The following RAB36 variants were observed in gnomAD, a reference collection of about 807,000 sequenced individuals.
The protein encoded by RAB36 is ras-related protein Rab-36.
RAB36 carries 33 observed loss-of-function variants against 39.3 expected under a neutral mutation model. That is an observed-to-expected ratio of 0.84 (90% CI 0.64 to 1.12). RAB36 has a LOEUF of 1.12. Among genes scored for constraint, RAB36 ranks in the 50% most tolerant of loss-of-function variants. The pLI is 0.00. For synonymous variants in RAB36, 133 were observed against 140.2 expected (o/e 0.95, Z 0.36); for missense variants, 308 against 355.3 (o/e 0.87, Z 1.07).
At position 23,161,619 on chromosome 22, in the gene RAB36, C is replaced by T. The variant is rs370076506; in HGVS notation, c.*55C>T. 22 of 1,460,520 alleles carry T rather than the reference C, an allele frequency of 1.5e-5. No homozygotes were observed. Among genetic ancestry groups the T allele is most frequent in the Admixed American group, 9.2e-5 (5 of 54,494 alleles). 90.5% of individuals were successfully genotyped at this position (1,460,520 alleles called of 1,614,324 possible). A position where few individuals can be genotyped will look rare whatever the true frequency, so the allele number is the denominator to read the frequency against. ...CTGCACACACACGGACAGGAATTTC[C>T]GTGACTGTGGTGTGGAGACTGGAGC... On this transcript the variant is annotated 3_prime_UTR_variant, in exon 11 of 11. Coordinates refer to ENST00000263116, the MANE Select transcript of RAB36 (RefSeq NM_004914.5).
chr22:23,160,441 G>C (rs917443285), intron 9 of RAB36, among the ~76,000 whole-genome samples: 8 of 152,346 alleles, frequency 5.3e-5, no homozygotes, highest in Middle Eastern at 3.4e-3. Flanking sequence ...ATGCATAAAG[G>C]CTCCATGTGG....
chr22:23,159,127 C>T, intron 8 of RAB36, 36 bp from the exon 9 acceptor site: 1 of 1,604,998 alleles, frequency 6.2e-7, no homozygotes, highest in Non-Finnish European at 8.5e-7. Flanking sequence ...TGCAGGAGAG[C>T]CGGGACGCTG....
intron 7 of RAB36, among the ~76,000 whole-genome samples, chr22:23,158,307 C>T (rs1293721259): frequency 6.6e-6 from 1 of 152,236 alleles, no homozygotes; most frequent in African/African-American, 2.4e-5. Flanking sequence ...CCCCAACCTG[C>T]TTTAATACAC....
chr22:23,150,247 C>G, intron 3 of RAB36, 93 bp downstream of exon 3: 1 of 1,023,282 alleles, frequency 9.8e-7, no homozygotes, highest in South Asian at 1.4e-5. Flanking sequence ...AACACACACA[C>G]GAGGCTGGTG....
Position 23,162,664 on chromosome 22 carries a change from C to G in RAB36, c.*1100C>G, listed in dbSNP as rs1398547949. 8 of 456,216 alleles carry G rather than the reference C, an allele frequency of 1.8e-5. No individual in the cohort carries two copies. Among genetic ancestry groups the G allele is most frequent in the Admixed American group, 7.0e-5 (3 of 42,568 alleles). 28.3% of individuals were successfully genotyped at this position (456,216 alleles called of 1,614,324 possible). A position where few individuals can be genotyped will look rare whatever the true frequency, so the allele number is the denominator to read the frequency against. ...TTCTCACTGCTATGAACCAGCCCCA[C>G]AGCCCCAGGCCCCTGTCACCTGGCT... On this transcript the variant is annotated 3_prime_UTR_variant, in exon 11 of 11. Coordinates refer to ENST00000263116, the MANE Select transcript of RAB36 (RefSeq NM_004914.5).
At chr22:23,146,919 C>A (rs540327609) in intron 2 of RAB36, among the ~76,000 whole-genome samples, 1 of 152,270 alleles carries the variant, frequency 6.6e-6, no homozygotes, top group South Asian at 2.1e-4. Context: ...GATTTTGCAG[C>A]CAGACAGTCC....
intron 3 of RAB36, among the ~76,000 whole-genome samples, chr22:23,151,445 A>G (rs975135583): frequency 6.6e-6 from 1 of 152,186 alleles, no homozygotes; most frequent in Non-Finnish European, 1.5e-5. Flanking sequence ...TGGCAAGGTG[A>G]CCTGCAGCCC....
rs147885689 is a variant in RAB36 at position 23,165,258 on chromosome 22, T to G, written c.*3694T>G. Among the ~76,000 whole-genome samples, 447 of 152,280 alleles carry G rather than the reference T, an allele frequency of 2.9e-3. 8 individuals are homozygous for G. Among genetic ancestry groups the G allele is most frequent in the East Asian group, 0.02 (102 of 5,184 alleles). ...AAGACCATGTTCCCAGCAGACAGAT[T>G]GCACTCTGACCCAGATGCCACCACA... On this transcript the variant is annotated 3_prime_UTR_variant, in exon 11 of 11. Coordinates refer to ENST00000263116, the MANE Select transcript of RAB36 (RefSeq NM_004914.5).
At position 23,145,916 on chromosome 22, in the gene RAB36, A is replaced by C. The variant is rs868327175; in HGVS notation, c.-13+365A>C. On this transcript the variant is annotated intron_variant, in intron 1 of 10. Transcript: ENST00000263116. The stretch of plus-strand genomic sequence containing the variant: ...CAGGGAAAAGGCCTAGTTGGCTGAA[A>C]GTTAAGGCCCCCAGGCCCACCTAGA... 7.9e-5 allele frequency: 74 copies of C among 938,938 alleles called. No homozygotes were observed. In the African/African-American group the frequency reaches 1.3e-3, roughly 16 times the overall value. 58.2% of individuals were successfully genotyped at this position (938,938 alleles called of 1,614,324 possible). A position where few individuals can be genotyped will look rare whatever the true frequency, so the allele number is the denominator to read the frequency against.
chr22:23,158,459 G>C (rs143590347), intron 7 of RAB36, among the ~76,000 whole-genome samples: 137 of 152,326 alleles, frequency 9.0e-4, no homozygotes, highest in Non-Finnish European at 1.3e-3. Context: ...GAGAGAATTG[G>C]CAATGTGACC....
chr22:23,151,385 G>A (rs935827169), intron 3 of RAB36, among the ~76,000 whole-genome samples: 5 of 152,120 alleles, frequency 3.3e-5, no homozygotes, highest in African/African-American at 1.2e-4. Context: ...GAGTCAGAAC[G>A]AAAGGGCCCT....
downstream of RAB36, among the ~76,000 whole-genome samples, chr22:23,168,496 C>CCA (rs113522216): frequency 1.8e-4 from 28 of 151,782 alleles, no homozygotes; most frequent in South Asian, 6.2e-4. Flanking sequence ...CCGCTCCCCG[C>CCA]CACACACACA....
chr22:23,146,052 T>C (rs1297324921), intron 1 of RAB36: 1 of 978,714 alleles, frequency 1.0e-6, no homozygotes, highest in Non-Finnish European at 1.2e-6. Context: ...GGGGAGCTCC[T>C]CCTTGGTAGA....
chr22:23,166,696 TCA>T (rs1056044083), downstream of RAB36, among the ~76,000 whole-genome samples: 10 of 152,216 alleles, frequency 6.6e-5, no homozygotes, highest in African/African-American at 1.9e-4. Flanking sequence ...ACGGCTAGTC[TCA>T]CAGTGCAGCC....
rs2071888162 is a variant in RAB36, at chr22:23,162,874, C to A, written c.*1310C>A. ...ACACTGGCATCTTTTTCTATTCATTCCCCCTTCAACATATTTTTTGTAGTT... is the reference window on the plus strand; with the variant it reads ...ACACTGGCATCTTTTTCTATTCATTACCCCTTCAACATATTTTTTGTAGTT... On this transcript the variant is annotated 3_prime_UTR_variant, in exon 11 of 11. Transcript: ENST00000263116. 5 of 379,840 alleles carry A rather than the reference C, an allele frequency of 1.3e-5. No individual in the cohort carries two copies. Among genetic ancestry groups the A allele is most frequent in the African/African-American group, 6.4e-5 (3 of 46,890 alleles). The allele number at this position is 379,840 out of a possible 1,614,324, so 23.5% of individuals were successfully genotyped here. A position where few individuals can be genotyped will look rare whatever the true frequency, so the allele number is the denominator to read the frequency against.
At chr22:23,161,386 C>A (rs2071786552) in intron 10 of RAB36, 114 bp from the exon 11 acceptor site, 1 of 981,998 alleles carries the variant, frequency 1.0e-6, no homozygotes, top group Non-Finnish European at 1.6e-6. Flanking sequence ...AGGCCTTGAA[C>A]AGCAGGCCCA....
rs774648866 is a variant in RAB36, at chr22:23,155,954, C to T, written c.330-14C>T. The T allele has an allele frequency of 1.2e-6, 2 of 1,604,754 alleles. No homozygotes were observed. Among genetic ancestry groups the T allele is most frequent in the Non-Finnish European group, 1.7e-6 (2 of 1,175,512 alleles). ...CCTGACACCATTTCCCTTTCTTTCT[C>T]ACCCACCTCACAGCTGGGACACAGC... On this transcript the variant is annotated splice_polypyrimidine_tract_variant and intron_variant, in intron 5 of 10. Coordinates refer to ENST00000263116, the MANE Select transcript of RAB36 (RefSeq NM_004914.5).
chr22:23,146,396 A>C lies in RAB36; in HGVS notation c.-12-209A>C, dbSNP rs565313705. On this transcript the variant is annotated intron_variant, in intron 1 of 10. Coordinates refer to ENST00000263116, the MANE Select transcript of RAB36 (RefSeq NM_004914.5). ...TAATTTTTTTGGTTTTTTTTTGTAG[A>C]GACTGAGGTTTCACTTTGTTGCCCA... Among the ~76,000 whole-genome samples the C allele has an allele frequency of 8.6e-5, 13 of 150,716 alleles. No homozygotes were observed. In the South Asian group the frequency reaches 2.7e-3, roughly 32 times the overall value.
At chr22:23,145,342 G>A, upstream of RAB36, 1 of 1,527,298 alleles carries the variant, frequency 6.5e-7, no homozygotes, top group Non-Finnish European at 8.8e-7. Context: ...GCCCCGCCCA[G>A]ACTCCAGGCA....
Sources: allele counts gnomAD v4.1 joint callset (sites outside exome capture counted in the v4.1 genomes callset), GRCh38; gene constraint gnomAD v4.1.1; transcripts MANE v1.5; gene names NCBI Gene and HGNC (gene_info 2026-07-23, HGNC 2026-07-21).